The following CEMIP variants were observed in gnomAD, a reference collection of about 807,000 sequenced individuals.
CEMIP encodes cell migration-inducing and hyaluronan-binding protein.
CEMIP carries 105 observed loss-of-function variants against 156.9 expected under a neutral mutation model. That is an observed-to-expected ratio of 0.67 (90% confidence interval 0.57 to 0.79). The LOEUF is 0.79. Ranked by LOEUF, CEMIP falls within the 30% of genes least tolerant of loss-of-function variation. The pLI, the probability that CEMIP is intolerant of heterozygous loss-of-function variation, is 0.00. For missense variants in CEMIP, 1,457 were observed against 1,769.4 expected (o/e 0.82, Z 3.17); for synonymous variants, 676 against 668.4 (o/e 1.01, Z -0.17).
chr15:80,822,873 C>T (rs1192857189), intron 1 of CEMIP, among the ~76,000 whole-genome samples: 1 of 152,170 alleles, frequency 6.6e-6, no homozygotes, highest in Non-Finnish European at 1.5e-5. Flanking sequence ...GACACCTCCT[C>T]ACTCTTGAGC....
chr15:80,784,928 C>G (rs1337457652), intron 1 of CEMIP, among the ~76,000 whole-genome samples: 1 of 152,148 alleles, frequency 6.6e-6, no homozygotes, highest in East Asian at 1.9e-4. Flanking sequence ...TTCCCGTTGT[C>G]CGAGTTGAGG....
intron 1 of CEMIP, among the ~76,000 whole-genome samples, chr15:80,841,534 AT>A (rs1567065787): frequency 6.6e-6 from 1 of 152,206 alleles, no homozygotes; most frequent in Non-Finnish European, 1.5e-5. Flanking sequence ...GACTTCTAGA[AT>A]TTGGACCTTG....
intron 6 of CEMIP, among the ~76,000 whole-genome samples, chr15:80,883,653 C>A (rs1156754215): frequency 6.6e-6 from 1 of 152,184 alleles, no homozygotes; most frequent in Non-Finnish European, 1.5e-5. Context: ...TGGATCTCTG[C>A]AAGTAACTCT....
At chr15:80,895,767 C>A (rs1277410719) in intron 11 of CEMIP, 102 bp from the exon 12 acceptor site, 5 of 1,069,614 alleles carry the variant, frequency 4.7e-6, no homozygotes, top group South Asian at 4.0e-5. Context: ...ATAGGCAAAC[C>A]TGGCATTTAG....
At chr15:80,885,339 C>T (rs751888967) in intron 7 of CEMIP, among the ~76,000 whole-genome samples, 1 of 152,142 alleles carries the variant, frequency 6.6e-6, no homozygotes, top group Non-Finnish European at 1.5e-5. Context: ...GAGGGGTGCT[C>T]CAGGTTCCAG....
chr15:80,810,270 G>A (rs1896626823), intron 1 of CEMIP, among the ~76,000 whole-genome samples: 1 of 152,144 alleles, frequency 6.6e-6, no homozygotes, highest in Admixed American at 6.5e-5. Context: ...CTACAACTAT[G>A]TTTCCCTTTT....
At chr15:80,841,441 C>T (rs1380329235) in intron 1 of CEMIP, among the ~76,000 whole-genome samples, 1 of 152,172 alleles carries the variant, frequency 6.6e-6, no homozygotes, top group East Asian at 1.9e-4. Context: ...TTCCCTGCTC[C>T]TCCTAAAGGG....
chr15:80,839,320 G>GTGTT (rs1897336988), intron 1 of CEMIP, among the ~76,000 whole-genome samples: 1 of 151,666 alleles, frequency 6.6e-6, no homozygotes, highest in Admixed American at 6.6e-5. Flanking sequence ...GTGTGTGTGT[G>GTGTT]TGTGTGTGTG....
At chr15:80,944,606 C>T (rs60391279) in intron 28 of CEMIP, among the ~76,000 whole-genome samples, 14,670 of 152,034 alleles carry the variant, frequency 0.096, 1,580 homozygotes, top group African/African-American at 0.26. Context: ...GGGCACCTGG[C>T]GAGATTTTGG....
In CEMIP at chr15:80,906,643, G is replaced by A. The variant is rs185839832; in HGVS notation, c.1412-20G>A. The A allele has an allele frequency of 8.7e-4, 1,397 of 1,605,428 alleles. 2 individuals carry two copies. The highest frequency in any genetic ancestry group is 3.6e-3 in the Middle Eastern group (20 of 5,582). On this transcript the variant is annotated intron_variant, in intron 12 of 29. Coordinates refer to ENST00000394685, the MANE Select transcript of CEMIP (RefSeq NM_001293298.2). The surrounding 1 kb of genome is among the most constrained non-coding windows in gnomAD (Gnocchi z 4.3). ...CATGCAGTACCTGCTGTTGTTTACC[G>A]TCCTCCCTTTCTGCCCTAGGGAAAC...
At chr15:80,810,931 C>A (rs1465755098) in intron 1 of CEMIP, among the ~76,000 whole-genome samples, 1 of 152,188 alleles carries the variant, frequency 6.6e-6, no homozygotes, top group Non-Finnish European at 1.5e-5. Flanking sequence ...ATTTCCCCAT[C>A]CATTCGCCTA....
intron 1 of CEMIP, among the ~76,000 whole-genome samples, chr15:80,857,216 A>G (rs1596137610): frequency 6.6e-6 from 1 of 152,302 alleles, no homozygotes; most frequent in East Asian, 1.9e-4. Flanking sequence ...TGAGAACAGG[A>G]GCCCGGGAGG....
At position 80,926,821 on chromosome 15, in the gene CEMIP, G is replaced by GT. The variant is rs1352207316; in HGVS notation, c.2420+1066_2420+1067insT. Among the ~76,000 whole-genome samples the GT allele has an allele frequency of 5.5e-5, 6 of 108,770 alleles. No homozygotes were observed. The East Asian group carries it at 1.4e-3, about 25-fold the overall frequency. The allele number at this position is 108,770 out of a possible 152,430, so 71.4% of individuals were successfully genotyped here. A position where few individuals can be genotyped will look rare whatever the true frequency, so the allele number is the denominator to read the frequency against. On this transcript the variant is annotated intron_variant, in intron 19 of 29. Coordinates refer to ENST00000394685, the MANE Select transcript of CEMIP (RefSeq NM_001293298.2). ...CAGAGGCAGAGAGACTGAGCGGGTG[G>GT]GGGGGGGGGGTCTTCTTTTTTTTTT...
chr15:80,926,137 A>G (rs945309029), intron 19 of CEMIP, among the ~76,000 whole-genome samples: 2 of 152,222 alleles, frequency 1.3e-5, no homozygotes, highest in African/African-American at 4.8e-5. Flanking sequence ...ATGTTTCTCA[A>G]ACATATAAAT....
intron 17 of CEMIP, among the ~76,000 whole-genome samples, chr15:80,924,355 T>C (rs28548051): frequency 0.023 from 3,461 of 152,338 alleles, 138 homozygotes; most frequent in African/African-American, 0.08. Context: ...CTATGTGGCC[T>C]TGGACAACAT....
At chr15:80,897,931 C>G (rs1899302485) in intron 12 of CEMIP, among the ~76,000 whole-genome samples, 1 of 152,182 alleles carries the variant, frequency 6.6e-6, no homozygotes, top group Admixed American at 6.5e-5. Context: ...CCCAGAAGAC[C>G]AAGAGGGACA....
At chr15:80,928,778 G>A in intron 19 of CEMIP, 124 bp from the exon 20 acceptor site, 1 of 1,219,998 alleles carries the variant, frequency 8.2e-7, no homozygotes, top group South Asian at 1.3e-5. Flanking sequence ...TGCTTATGTA[G>A]AGACTCCTTC....
chr15:80,838,206 G>A (rs992230167), intron 1 of CEMIP, among the ~76,000 whole-genome samples: 8 of 152,182 alleles, frequency 5.3e-5, no homozygotes, highest in Non-Finnish European at 7.3e-5. Context: ...GGAGGGTGGG[G>A]ACGAGTCATT....
intron 1 of CEMIP, among the ~76,000 whole-genome samples, chr15:80,865,212 C>T (rs139738755): frequency 0.011 from 1,618 of 152,216 alleles, 16 homozygotes; most frequent in Non-Finnish European, 0.017. Flanking sequence ...GACAGAGTCT[C>T]GCTCTGTCAC....
Sources: gnomAD v4.1 joint callset for allele counts (sites outside exome capture counted in the v4.1 genomes callset) on GRCh38, gnomAD v4.1.1 for gene constraint, Gnocchi (gnomAD v3.1) non-coding constraint, MANE v1.5 for transcripts, NCBI Gene and HGNC (gene_info 2026-07-23, HGNC 2026-07-21) for gene names.